The following CLK4 variants were observed in gnomAD, a reference collection of about 807,000 sequenced individuals.
CLK4 encodes dual specificity protein kinase CLK4.
Under a neutral mutation model 64.4 loss-of-function variants are expected in CLK4, and 37 were observed. The ratio of observed to expected loss-of-function variants is 0.57; its 90% CI spans 0.44 to 0.76. The LOEUF is 0.76. Ranked by LOEUF, CLK4 falls within the 30% of genes least tolerant of loss-of-function variation. The probability of loss-of-function intolerance (pLI) is 0.00; values close to 1 mark genes in which losing one functional copy is unlikely to be tolerated. For missense variants in CLK4, 457 were observed against 605.1 expected (o/e 0.76, Z 2.57); for synonymous variants, 175 against 191.6 (o/e 0.91, Z 0.72).
rs767939283 is a variant in CLK4 at position 178,612,570 on chromosome 5, A to G, written c.922-25T>C. On this transcript the variant is annotated intron_variant, in intron 8 of 12. Coordinates refer to ENST00000316308, the MANE Select transcript of CLK4 (RefSeq NM_020666.3). Reference sequence around the variant, plus strand: ...TCTAGAGAGACACAGTTGAGTAAACATGAAACTCAATAGATACATTTTATA... The same window carrying G: ...TCTAGAGAGACACAGTTGAGTAAACGTGAAACTCAATAGATACATTTTATA... 7 of 1,609,154 alleles carry G rather than the reference A, an allele frequency of 4.4e-6. No individual in the cohort carries two copies. The Admixed American group carries it at 5.0e-5, about 12-fold the overall frequency.
chr5:178,607,495 C>T (rs1480103781), intron 10 of CLK4, among the ~76,000 whole-genome samples: 1 of 147,938 alleles, frequency 6.8e-6, no homozygotes, highest in Non-Finnish European at 1.5e-5. Flanking sequence ...GTTCTCCCTA[C>T]CTACACTTTG....
At chr5:178,621,522 ATACTT>A (rs1034479957) in intron 2 of CLK4, among the ~76,000 whole-genome samples, 5 of 152,350 alleles carry the variant, frequency 3.3e-5, no homozygotes, top group African/African-American at 1.2e-4. Flanking sequence ...ATCAATAAAA[ATACTT>A]TAATAAATAG....
intron 10 of CLK4, among the ~76,000 whole-genome samples, chr5:178,606,367 A>G (rs1193859199): frequency 6.6e-6 from 1 of 152,200 alleles, no homozygotes; most frequent in Non-Finnish European, 1.5e-5. Flanking sequence ...TGATTCTAAG[A>G]CATCAAACTT....
At chr5:178,616,523 C>G (rs1764629171) in intron 5 of CLK4, among the ~76,000 whole-genome samples, 1 of 152,164 alleles carries the variant, frequency 6.6e-6, no homozygotes, top group Non-Finnish European at 1.5e-5. Flanking sequence ...TGGCCGGGCA[C>G]AGGGGCTCAG....
chr5:178,615,701 G>T (rs1764617928), intron 5 of CLK4, among the ~76,000 whole-genome samples: 1 of 152,204 alleles, frequency 6.6e-6, no homozygotes, highest in Admixed American at 6.5e-5. Flanking sequence ...CAACAGGTTG[G>T]AAATTACATC....
intron 2 of CLK4, chr5:178,622,063 AC>A (rs1213299863): frequency 6.6e-6 from 1 of 152,204 alleles, no homozygotes; most frequent in African/African-American, 2.4e-5. Context: ...TATCATGTTT[AC>A]GTAGTTAACT....
At chr5:178,612,197 C>A (rs1764566679) in intron 9 of CLK4, among the ~76,000 whole-genome samples, 1 of 152,132 alleles carries the variant, frequency 6.6e-6, no homozygotes, top group Non-Finnish European at 1.5e-5. Flanking sequence ...TTTACTTGTT[C>A]AAAAATAACC....
intron 2 of CLK4, chr5:178,623,024 T>C (rs1764730089): frequency 2.1e-6 from 1 of 474,752 alleles, no homozygotes; most frequent in Admixed American, 4.0e-5. Context: ...CACTTACTGA[T>C]CAACTGTCTC....
At chr5:178,607,248 C>A (rs1764480261) in intron 10 of CLK4, among the ~76,000 whole-genome samples, 1 of 152,100 alleles carries the variant, frequency 6.6e-6, no homozygotes, top group Admixed American at 6.6e-5. Context: ...AAACCAATAC[C>A]TTGCGAAGTC....
Position 178,617,019 on chromosome 5 carries a change from C to T in CLK4, c.476-71G>A. ...TGTCTAGTTCTTCAAACAATGAATG[C>T]TTAAGTGTGGAATATTTTCAAATGA... On this transcript the variant is annotated intron_variant, in intron 4 of 12. Coordinates refer to ENST00000316308, the MANE Select transcript of CLK4 (RefSeq NM_020666.3). The surrounding 1 kb of genome is among the most constrained non-coding windows in gnomAD (Gnocchi z 5.2). The T allele has an allele frequency of 1.0e-6, 1 of 992,372 alleles. No individual in the cohort carries two copies. Among genetic ancestry groups the T allele is most frequent in the Non-Finnish European group, 1.6e-6 (1 of 628,300 alleles). The allele number at this position is 992,372 out of a possible 1,614,324, so 61.5% of individuals were successfully genotyped here.
intron 10 of CLK4, among the ~76,000 whole-genome samples, chr5:178,606,858 G>A (rs973645784): frequency 4.6e-5 from 7 of 152,006 alleles, no homozygotes; most frequent in Admixed American, 3.9e-4. Context: ...TACTTGGGAG[G>A]CTGAGACATG....
At chr5:178,616,073 T>C (rs1445867953) in intron 5 of CLK4, among the ~76,000 whole-genome samples, 2 of 152,170 alleles carry the variant, frequency 1.3e-5, no homozygotes, top group Non-Finnish European at 1.5e-5. Flanking sequence ...CTGTTGAAAT[T>C]TGTCATCATT....
Position 178,617,944 on chromosome 5 carries a change from A to C in CLK4, c.385-510T>G, listed in dbSNP as rs1405189140. On this transcript the variant is annotated intron_variant, in intron 3 of 12. Coordinates refer to ENST00000316308, the MANE Select transcript of CLK4 (RefSeq NM_020666.3). This position sits in a 1 kb window ranked among gnomAD's most constrained non-coding sequence, Gnocchi z 5.2. ...TTCAATGTTCAATCTAATAAAAACTAGTTTTACTGAAGAAAACTTGGGGAG... is the reference window on the plus strand; with the variant it reads ...TTCAATGTTCAATCTAATAAAAACTCGTTTTACTGAAGAAAACTTGGGGAG... 6.6e-6 allele frequency: 1 copy of C among 151,926 alleles called. No homozygotes were observed. The highest frequency in any genetic ancestry group is 1.5e-5 in the Non-Finnish European group (1 of 68,020). 9.4% of individuals were successfully genotyped at this position (151,926 alleles called of 1,614,324 possible).
intron 9 of CLK4, among the ~76,000 whole-genome samples, chr5:178,611,455 A>C (rs1228313631): frequency 6.6e-6 from 1 of 152,198 alleles, no homozygotes; most frequent in Non-Finnish European, 1.5e-5. Context: ...AGTTCTCCTC[A>C]GTCACACTGG....
intron 10 of CLK4, chr5:178,605,949 A>C (rs1764461465): frequency 6.6e-6 from 1 of 152,206 alleles, no homozygotes. Flanking sequence ...TTTTGTAAAA[A>C]CAGGCACCAG....
At chr5:178,615,055 T>G (rs1764608006) in intron 5 of CLK4, among the ~76,000 whole-genome samples, 1 of 152,212 alleles carries the variant, frequency 6.6e-6, no homozygotes, top group African/African-American at 2.4e-5. Context: ...CCAGATGTGG[T>G]ACAGGTGTGT....
chr5:178,609,913 A>C (rs964401646), intron 9 of CLK4, among the ~76,000 whole-genome samples: 11 of 151,602 alleles, frequency 7.3e-5, no homozygotes, highest in African/African-American at 2.7e-4. Flanking sequence ...TGTCTCAAAA[A>C]ATAAATAAAT....
intron 5 of CLK4, among the ~76,000 whole-genome samples, chr5:178,616,343 C>T (rs532315983): frequency 6.6e-6 from 1 of 152,286 alleles, no homozygotes; most frequent in East Asian, 1.9e-4. Flanking sequence ...GGTGATCCAC[C>T]TGCCTTGGCC....
intron 9 of CLK4, among the ~76,000 whole-genome samples, chr5:178,609,932 G>C (rs1251285482): frequency 6.6e-6 from 1 of 151,426 alleles, no homozygotes; most frequent in African/African-American, 2.4e-5. Context: ...ATAAATAATG[G>C]AGCATGGTTT....
Sources: gnomAD v4.1 joint callset for allele counts (sites outside exome capture counted in the v4.1 genomes callset) on GRCh38, gnomAD v4.1.1 for gene constraint, Gnocchi (gnomAD v3.1) non-coding constraint, MANE v1.5 for transcripts, NCBI Gene and HGNC (gene_info 2026-07-23, HGNC 2026-07-21) for gene names.